Variants in SLC38A10 observed in about 807,000 individuals in gnomAD.
The protein encoded by SLC38A10 is solute carrier family 38 member 10.
Under a neutral mutation model 81.0 loss-of-function variants are expected in SLC38A10, and 53 were observed. The observed-to-expected ratio is 0.65, with a 90% CI of 0.53 to 0.82. SLC38A10 has a LOEUF of 0.82. SLC38A10 is among the 40% of genes least tolerant of loss of function. The pLI, the probability that SLC38A10 is intolerant of heterozygous loss-of-function variation, is 0.00. For missense variants in SLC38A10, 1,471 were observed against 1,545.0 expected, an observed-to-expected ratio of 0.95 and a Z score of 0.80; for synonymous variants, 665 against 655.3, an observed-to-expected ratio of 1.01 and a Z score of -0.23.
intron 6 of SLC38A10, chr17:81,280,117 T>G: frequency 2.2e-6 from 1 of 451,712 alleles, no homozygotes; most frequent in Non-Finnish European, 4.5e-6. Context: ...GAGAAGGTAA[T>G]GCTGCTGGAA....
chr17:81,279,280 C>CA (rs984881048), intron 6 of SLC38A10, among the ~76,000 whole-genome samples: 43 of 152,180 alleles, frequency 2.8e-4, no homozygotes, highest in Non-Finnish European at 1.6e-4. Context: ...ATGCATTTAC[C>CA]AAAAACGGCC....
rs763211229 is a variant in SLC38A10 at position 81,277,006 on chromosome 17, G to A, written c.729+25C>T. ...CATCATGCTGGCATGACACAGGGGC[G>A]GAGAGGGCGTGGCAAGGCTCTTACC... On this transcript the variant is annotated intron_variant, in intron 7 of 15. Transcript: ENST00000374759. The surrounding 1 kb of genome is among the most constrained non-coding windows in gnomAD (Gnocchi z 4.5). 28 of 1,604,368 alleles carry A rather than the reference G, an allele frequency of 1.7e-5. No individual in the cohort carries two copies. The highest frequency in any genetic ancestry group is 4.5e-5 in the East Asian group (2 of 44,804).
At chr17:81,255,850 T>C (rs1342383869) in intron 11 of SLC38A10, among the ~76,000 whole-genome samples, 1 of 152,156 alleles carries the variant, frequency 6.6e-6, no homozygotes, top group African/African-American at 2.4e-5. Context: ...CCGGGTGTGG[T>C]GCCGCGCCTG....
chr17:81,287,816 C>T (rs34500131), intron 2 of SLC38A10, among the ~76,000 whole-genome samples: 103 of 152,192 alleles, frequency 6.8e-4, no homozygotes, highest in Non-Finnish European at 1.2e-3. Flanking sequence ...GCCTCCCCAG[C>T]CCTGGGTCAC....
rs1204456954 is a variant in SLC38A10, at chr17:81,289,323, C to G, written c.217+368G>C. Among the ~76,000 whole-genome samples, 1 of 151,810 alleles carries G rather than the reference C, an allele frequency of 6.6e-6. No homozygotes were observed. The highest frequency in any genetic ancestry group is 2.4e-5 in the African/African-American group (1 of 41,296). ...TGCCAAAGTGCTGGGATTACAGGCA[C>G]GAGCCACCACGCCCGGCAGGTTTTT... On this transcript the variant is annotated intron_variant, in intron 2 of 15. Coordinates refer to ENST00000374759, the MANE Select transcript of SLC38A10 (RefSeq NM_001037984.3). The surrounding 1 kb of genome is among the most constrained non-coding windows in gnomAD (Gnocchi z 5.9).
rs2063271022 is a variant in SLC38A10, at chr17:81,286,800, G to C, written c.218-1905C>G. On this transcript the variant is annotated intron_variant, in intron 2 of 15. Coordinates refer to ENST00000374759, the MANE Select transcript of SLC38A10 (RefSeq NM_001037984.3). The surrounding 1 kb of genome is among the most constrained non-coding windows in gnomAD (Gnocchi z 6.0). ...ACGAAAGGACGCGGGCAGCACTCCT[G>C]ACACCGCTGCTCACAACCGAGAACT... Among the ~76,000 whole-genome samples the C allele has an allele frequency of 6.6e-6, 1 of 152,178 alleles. No homozygotes were observed. The highest frequency in any genetic ancestry group is 6.5e-5 in the Admixed American group (1 of 15,268).
At chr17:81,248,864 C>T (rs1174010784) in intron 14 of SLC38A10, among the ~76,000 whole-genome samples, 1 of 152,212 alleles carries the variant, frequency 6.6e-6, no homozygotes, top group Non-Finnish European at 1.5e-5. Flanking sequence ...CAAGCAGCAG[C>T]CCCTGCTCCC....
chr17:81,248,082 C>G (rs922937800), intron 14 of SLC38A10, among the ~76,000 whole-genome samples: 1 of 151,382 alleles, frequency 6.6e-6, no homozygotes, highest in Admixed American at 6.6e-5. Context: ...CTCAGCCTCC[C>G]GAGTAGCTGG....
Position 81,285,389 on chromosome 17 carries a change from T to C in SLC38A10, c.218-494A>G, listed in dbSNP as rs140582486. On this transcript the variant is annotated intron_variant, in intron 2 of 15. Coordinates refer to ENST00000374759, the MANE Select transcript of SLC38A10 (RefSeq NM_001037984.3). ...TTTGGTTGGGATTTATAGAAACAAATGGAGACTCCTTTCGAGCATGGTGCT... is the reference window on the plus strand; with the variant it reads ...TTTGGTTGGGATTTATAGAAACAAACGGAGACTCCTTTCGAGCATGGTGCT... The C allele has an allele frequency of 4.6e-3, 699 of 153,066 alleles. 4 individuals are homozygous for C. Among genetic ancestry groups the C allele is most frequent in the African/African-American group, 0.016 (663 of 41,600 alleles). 9.5% of individuals were successfully genotyped at this position (153,066 alleles called of 1,614,324 possible). A position where few individuals can be genotyped will look rare whatever the true frequency, so the allele number is the denominator to read the frequency against.
chr17:81,251,676 G>C (rs574441684), intron 13 of SLC38A10, 64 bp from the exon 14 acceptor site: 1 of 1,436,494 alleles, frequency 7.0e-7, no homozygotes, highest in African/African-American at 1.4e-5. Context: ...TGGGGGGTTG[G>C]GGGACAGAAG....
In SLC38A10 at chr17:81,289,284, C is replaced by A. The variant is rs141774497; in HGVS notation, c.217+407G>T. On this transcript the variant is annotated intron_variant, in intron 2 of 15. Transcript: ENST00000374759. The surrounding 1 kb of genome is among the most constrained non-coding windows in gnomAD (Gnocchi z 5.9). ...CTCGAACTCCTGACCTCAAATAATC[C>A]GCCTGCCTCGGCCTGCCAAAGTGCT... Among the ~76,000 whole-genome samples, 2 of 152,064 alleles carry A rather than the reference C, an allele frequency of 1.3e-5. No individual in the cohort carries two copies. The highest frequency in any genetic ancestry group is 2.4e-5 in the African/African-American group (1 of 41,396).
In SLC38A10 at chr17:81,288,515, G is replaced by A. The variant is rs1213386542; in HGVS notation, c.217+1176C>T. ...ATGGAACGTGGAGCCGAGAGGTGCCGAGCCTGTGGCGGGCAGGGAGACAGC... is the reference window on the plus strand; with the variant it reads ...ATGGAACGTGGAGCCGAGAGGTGCCAAGCCTGTGGCGGGCAGGGAGACAGC... On this transcript the variant is annotated intron_variant, in intron 2 of 15. Coordinates refer to ENST00000374759, the MANE Select transcript of SLC38A10 (RefSeq NM_001037984.3). This position sits in a 1 kb window ranked among gnomAD's most constrained non-coding sequence, Gnocchi z 5.4. 2.0e-5 allele frequency among the ~76,000 whole-genome samples: 3 copies of A among 152,200 alleles called. No individual in the cohort carries two copies. Among genetic ancestry groups the A allele is most frequent in the African/African-American group, 4.8e-5 (2 of 41,456 alleles).
At chr17:81,260,960 C>T (rs1006061975) in intron 10 of SLC38A10, among the ~76,000 whole-genome samples, 6 of 152,250 alleles carry the variant, frequency 3.9e-5, no homozygotes, top group African/African-American at 1.4e-4. Flanking sequence ...GGCCCGTGCG[C>T]ATGAAGGGCT....
intron 1 of SLC38A10, among the ~76,000 whole-genome samples, chr17:81,293,798 ATGT>A (rs2063327980): frequency 6.6e-6 from 1 of 152,212 alleles, no homozygotes; most frequent in Non-Finnish European, 1.5e-5. Flanking sequence ...CAAAATATAC[ATGT>A]TGTTTTCATT....
chr17:81,275,503 A>G (rs1005180482), intron 8 of SLC38A10, among the ~76,000 whole-genome samples: 1 of 151,694 alleles, frequency 6.6e-6, no homozygotes, highest in Non-Finnish European at 1.5e-5. Flanking sequence ...GGAGGCCGAG[A>G]CGGGCGGATC....
In SLC38A10 at chr17:81,289,350, T is replaced by A. The variant is rs933375561; in HGVS notation, c.217+341A>T. Among the ~76,000 whole-genome samples, 1 of 151,970 alleles carries A rather than the reference T, an allele frequency of 6.6e-6. No individual in the cohort carries two copies. The highest frequency in any genetic ancestry group is 1.5e-5 in the Non-Finnish European group (1 of 68,002). On this transcript the variant is annotated intron_variant, in intron 2 of 15. Transcript: ENST00000374759. The surrounding 1 kb of genome is among the most constrained non-coding windows in gnomAD (Gnocchi z 5.9). ...AGCCACCACGCCCGGCAGGTTTTTT[T>A]TTTAACTGCATTTTTTTTTAATTTG...
chr17:81,261,557 T>G (rs1329249056), intron 10 of SLC38A10, among the ~76,000 whole-genome samples: 1 of 152,160 alleles, frequency 6.6e-6, no homozygotes, highest in Non-Finnish European at 1.5e-5. Context: ...CCAATACAAT[T>G]AGAGAAGAGG....
chr17:81,274,993 A>G (rs564559796), intron 8 of SLC38A10, among the ~76,000 whole-genome samples: 3 of 152,288 alleles, frequency 2.0e-5, no homozygotes, highest in South Asian at 4.1e-4. Context: ...TGCAGCCTTG[A>G]ACTCTTGGTT....
intron 11 of SLC38A10, among the ~76,000 whole-genome samples, chr17:81,256,098 G>A (rs1382048426): frequency 9.9e-5 from 15 of 152,238 alleles, no homozygotes; most frequent in Admixed American, 9.8e-4. Context: ...AGGTGCTGAC[G>A]CAGGTTCCCA....
Sources: gnomAD v4.1 joint callset for allele counts (sites outside exome capture counted in the v4.1 genomes callset) on GRCh38, gnomAD v4.1.1 for gene constraint, Gnocchi (gnomAD v3.1) non-coding constraint, MANE v1.5 for transcripts, NCBI Gene and HGNC (gene_info 2026-07-23, HGNC 2026-07-21) for gene names.